MYEF2: variants seen among roughly 807,000 people sequenced by gnomAD.
MYEF2 encodes myelin expression factor 2, also known as myelin gene expression factor 2.
Under a neutral mutation model 75.2 loss-of-function variants are expected in MYEF2, and 37 were observed. The observed-to-expected ratio is 0.49, with a 90% CI of 0.38 to 0.65. The LOEUF (loss-of-function observed/expected upper bound fraction) is 0.65. MYEF2 is among the 30% of genes least tolerant of loss of function. The pLI is 0.00. For synonymous variants in MYEF2, 195 were observed against 241.6 expected (o/e 0.81, Z 1.79); for missense variants, 634 against 771.4 (o/e 0.82, Z 2.11).
intron 6 of MYEF2, 55 bp from the exon 7 acceptor site, chr15:48,158,977 T>C: frequency 1.3e-6 from 2 of 1,482,174 alleles, no homozygotes; most frequent in Admixed American, 3.8e-5. Context: ...TCCCCATCTG[T>C]AAATACAAAA....
chr15:48,147,937 T>C (rs2039350786), intron 16 of MYEF2, among the ~76,000 whole-genome samples: 1 of 152,022 alleles, frequency 6.6e-6, no homozygotes, highest in South Asian at 2.1e-4. Flanking sequence ...TCTTACCATA[T>C]GTACAGAGGC....
rs764184107 is a variant in MYEF2, at chr15:48,141,993, G to T, written c.*915C>A. On this transcript the variant is annotated 3_prime_UTR_variant, in exon 17 of 17. Coordinates refer to ENST00000324324, the MANE Select transcript of MYEF2 (RefSeq NM_016132.5). ...AGATTATTAATAAAACACAGTATTG[G>T]TAAGCACATTTTAACAGTATGCTTT... 6.9e-7 allele frequency: 1 copy of T among 1,450,620 alleles called. No individual in the cohort carries two copies. The highest frequency in any genetic ancestry group is 9.5e-7 in the Non-Finnish European group (1 of 1,056,952). The allele number at this position is 1,450,620 out of a possible 1,614,324, so 89.9% of individuals were successfully genotyped here. A position where few individuals can be genotyped will look rare whatever the true frequency, so the allele number is the denominator to read the frequency against.
In MYEF2 at chr15:48,151,184, G is replaced by A. The variant is rs985094067; in HGVS notation, c.1307-13C>T. 6.3e-7 allele frequency: 1 copy of A among 1,597,644 alleles called. No individual in the cohort carries two copies. The highest frequency in any genetic ancestry group is 1.3e-5 in the African/African-American group (1 of 74,182). On this transcript the variant is annotated splice_polypyrimidine_tract_variant and intron_variant, in intron 13 of 16. Transcript: ENST00000324324. ...ATCATTGCACTGCCTAAACAAGGAT[G>A]GAAAGATAATATACTAATTAATTTT...
In MYEF2 at chr15:48,138,694, T is replaced by C; in HGVS notation, c.*4214A>G. 3.1e-6 allele frequency: 1 copy of C among 320,298 alleles called. No homozygotes were observed. Among genetic ancestry groups the C allele is most frequent in the East Asian group, 5.8e-5 (1 of 17,106 alleles). 19.8% of individuals were successfully genotyped at this position (320,298 alleles called of 1,614,324 possible). On this transcript the variant is annotated 3_prime_UTR_variant, in exon 17 of 17. Coordinates refer to ENST00000324324, the MANE Select transcript of MYEF2 (RefSeq NM_016132.5). ...TGTCCAATTGACACTTCATAAACAC[T>C]ATCTACAATATATTTAACGAATGGC...
Position 48,136,175 on chromosome 15 carries a change from G to A in MYEF2, c.*6733C>T, listed in dbSNP as rs953119089. On this transcript the variant is annotated 3_prime_UTR_variant, in exon 17 of 17. Transcript: ENST00000324324. ...TTAAAAATGCTCTGTATGACAAACT[G>A]AAAAATCCCAGCCTAAGCCTCCCAT... The A allele has an allele frequency of 6.6e-6, 1 of 151,998 alleles. No individual in the cohort carries two copies. The highest frequency in any genetic ancestry group is 2.4e-5 in the African/African-American group (1 of 41,382). 9.4% of individuals were successfully genotyped at this position (151,998 alleles called of 1,614,324 possible). A position where few individuals can be genotyped will look rare whatever the true frequency, so the allele number is the denominator to read the frequency against.
rs540344136 is a variant in MYEF2, at chr15:48,162,085, A to G, written c.526-2281T>C. 7.9e-5 allele frequency among the ~76,000 whole-genome samples: 12 copies of G among 151,980 alleles called. 1 individual carries two copies. The highest frequency in any genetic ancestry group is 2.7e-4 in the African/African-American group (11 of 41,476). On this transcript the variant is annotated intron_variant, in intron 5 of 16. Coordinates refer to ENST00000324324, the MANE Select transcript of MYEF2 (RefSeq NM_016132.5). ...ATTCCTGTTAATAACTTTTTTAATA[A>G]TAAACCCCAGACTCAAACAGGACTA...
In MYEF2 at chr15:48,157,727, T is replaced by C. The variant is rs1597322768; in HGVS notation, c.985+266A>G. ...GATGGTGAAATTACAGAGGACTTTT[T>C]TTCCTTCAAGTGTATAAATTTACCA... On this transcript the variant is annotated intron_variant, in intron 9 of 16. Transcript: ENST00000324324. 8.8e-6 allele frequency: 10 copies of C among 1,142,598 alleles called. No homozygotes were observed. The East Asian group carries it at 4.4e-4, about 50-fold the overall frequency. 70.8% of individuals were successfully genotyped at this position (1,142,598 alleles called of 1,614,324 possible).
At position 48,157,975 on chromosome 15, in the gene MYEF2, A is replaced by C. The variant is rs977934076; in HGVS notation, c.985+18T>G. 2 of 1,612,694 alleles carry C rather than the reference A, an allele frequency of 1.2e-6. No individual in the cohort carries two copies. Among genetic ancestry groups the C allele is most frequent in the Non-Finnish European group, 8.5e-7 (1 of 1,179,148 alleles). On this transcript the variant is annotated intron_variant, in intron 9 of 16. Transcript: ENST00000324324. ...CCAAAAAAAGCCTATGTTGTTTCTC[A>C]TAATAGCTTTTACTTACGTGGTAAT...
In MYEF2 at chr15:48,142,987, G is replaced by A. The variant is rs768471730; in HGVS notation, c.1724C>T (p.Ala575Val). The part of the protein sequence containing the change: ...GTVRFDSPES[A>V]EKACRIMNGI... ...ATTCATTATTCTGCAGGCTTTTTCAGCTGATTCTGGGGAGTCAAATCTGAC... is the reference window on the plus strand; with the variant it reads ...ATTCATTATTCTGCAGGCTTTTTCAACTGATTCTGGGGAGTCAAATCTGAC... The change falls in exon 17 of 17, where the codon GCT becomes GTT. Residue 575 changes from alanine (A) to valine (V), a missense_variant. Physicochemically the swap from Ala to Val is moderately conservative, Grantham distance 64. Transcript: ENST00000324324. 1 of 1,603,526 alleles carries A rather than the reference G, an allele frequency of 6.2e-7. No individual in the cohort carries two copies. The highest frequency in any genetic ancestry group is 8.5e-7 in the Non-Finnish European group (1 of 1,175,630).
Position 48,136,461 on chromosome 15 carries a change from TAA to T in MYEF2, c.*6445_*6446del, listed in dbSNP as rs56091519. 4.1e-4 allele frequency: 129 copies of T among 313,334 alleles called. No homozygotes were observed. The highest frequency in any genetic ancestry group is 4.9e-4 in the Non-Finnish European group (86 of 176,382). 19.4% of individuals were successfully genotyped at this position (313,334 alleles called of 1,614,324 possible). On this transcript the variant is annotated 3_prime_UTR_variant, in exon 17 of 17. Transcript: ENST00000324324. ...AAAACGAGTTTGTTGATCTTGTTTT[TAA>T]AAAAAAAAAAACAACACAGAAGTGT...
At chr15:48,162,297 T>C (rs1270256902) in intron 5 of MYEF2, among the ~76,000 whole-genome samples, 2 of 152,164 alleles carry the variant, frequency 1.3e-5, no homozygotes, top group Non-Finnish European at 2.9e-5. Context: ...CTGTGCTTAG[T>C]GCTTTGTACA....
intron 1 of MYEF2, among the ~76,000 whole-genome samples, chr15:48,175,626 C>A (rs562064047): frequency 6.6e-6 from 1 of 152,154 alleles, no homozygotes; most frequent in African/African-American, 2.4e-5. Flanking sequence ...GGAAACAGTT[C>A]TAGTCTTTAT....
rs918783372 is a variant in MYEF2, at chr15:48,148,918, T to A, written c.1639+114A>T. The A allele has an allele frequency of 2.4e-5, 24 of 1,009,022 alleles. No homozygotes were observed. In the African/African-American group the frequency reaches 3.2e-4, roughly 14 times the overall value. The allele number at this position is 1,009,022 out of a possible 1,614,324, so 62.5% of individuals were successfully genotyped here. A position where few individuals can be genotyped will look rare whatever the true frequency, so the allele number is the denominator to read the frequency against. ...ATTAGACCTGGCACGCTATCAAGAC[T>A]ATCCAGGAATAGGCATCCGGACAGG... On this transcript the variant is annotated intron_variant, in intron 16 of 16. Transcript: ENST00000324324.
intron 1 of MYEF2, among the ~76,000 whole-genome samples, chr15:48,174,390 GAT>G (rs1491498248): frequency 5.3e-5 from 1 of 18,800 alleles, no homozygotes; most frequent in East Asian, 3.2e-3. Context: ...CCTTGGCAAT[GAT>G]TTTTTTTTTT....
At position 48,178,201 on chromosome 15, in the gene MYEF2, T is replaced by G; in HGVS notation, c.37A>C (p.Thr13Pro). Reference protein sequence around the residue: ...DANKAEVPGATGGDSPHLQPA... With the variant: ...DANKAEVPGAPGGDSPHLQPA... The stretch of plus-strand genomic sequence containing the variant: ...TGCAGGTGCGGGCTGTCGCCACCAG[T>G]GGCCCCGGGCACCTCGGCCTTGTTG... Residue 13 changes from threonine (T) to proline (P), a missense_variant, in exon 1 of 17, where the codon ACT (threonine) becomes CCT (proline). Coordinates refer to ENST00000324324, the MANE Select transcript of MYEF2 (RefSeq NM_016132.5). 1.3e-6 allele frequency: 2 copies of G among 1,505,604 alleles called. No individual in the cohort carries two copies. Among genetic ancestry groups the G allele is most frequent in the Non-Finnish European group, 1.8e-6 (2 of 1,128,862 alleles). 93.3% of individuals were successfully genotyped at this position (1,505,604 alleles called of 1,614,324 possible).
intron 1 of MYEF2, among the ~76,000 whole-genome samples, chr15:48,171,228 T>C (rs1266986228): frequency 6.6e-6 from 1 of 152,226 alleles, no homozygotes; most frequent in Non-Finnish European, 1.5e-5. Context: ...ATTCAGTGAA[T>C]GTTTGTAAAG....
Position 48,140,926 on chromosome 15 carries a change from G to A in MYEF2, c.*1982C>T. On this transcript the variant is annotated 3_prime_UTR_variant, in exon 17 of 17. Coordinates refer to ENST00000324324, the MANE Select transcript of MYEF2 (RefSeq NM_016132.5). ...GTCATTAAAAATCTGTGCTACCTGG[G>A]TTACCCGAATTACCAGCCTGATTCA... is the stretch of plus-strand genomic sequence containing the variant. 2.0e-6 allele frequency: 1 copy of A among 493,436 alleles called. No individual in the cohort carries two copies. The highest frequency in any genetic ancestry group is 3.7e-6 in the Non-Finnish European group (1 of 272,386). 30.6% of individuals were successfully genotyped at this position (493,436 alleles called of 1,614,324 possible).
At chr15:48,151,445 A>G in intron 13 of MYEF2, 28 bp downstream of exon 13, 3 of 1,585,090 alleles carry the variant, frequency 1.9e-6, no homozygotes, top group Non-Finnish European at 2.6e-6. Flanking sequence ...CTACAAAAAG[A>G]AAAGGAGAAG....
chr15:48,151,636 A>C (rs889328120), intron 12 of MYEF2, 65 bp from the exon 13 acceptor site: 32 of 1,425,560 alleles, frequency 2.2e-5, no homozygotes, highest in Non-Finnish European at 3.0e-5. Flanking sequence ...AACATTCAGG[A>C]ATGTATCTAA....
Sources: allele counts gnomAD v4.1 joint callset (sites outside exome capture counted in the v4.1 genomes callset), GRCh38; gene constraint gnomAD v4.1.1; transcripts MANE v1.5; gene names NCBI Gene and HGNC (gene_info 2026-07-23, HGNC 2026-07-21).